The following CAMTA1 variants were observed in gnomAD, a reference collection of about 807,000 sequenced individuals.
CAMTA1 encodes calmodulin-binding transcription activator 1.
CAMTA1 carries 27 observed loss-of-function variants against 170.9 expected under a neutral mutation model. That is an observed-to-expected ratio of 0.16 (90% CI 0.12 to 0.22). The LOEUF (loss-of-function observed/expected upper bound fraction) is 0.22, where lower values mean the gene tolerates loss of function less well. Ranked by LOEUF, CAMTA1 falls within the 10% of genes least tolerant of loss-of-function variation. The pLI is 1.00. For missense variants in CAMTA1, 1,619 were observed against 2,217.2 expected (o/e 0.73, Z 5.42); for synonymous variants, 833 against 891.5 (o/e 0.93, Z 1.17).
chr1:7,323,502 T>C (rs1208275887), intron 5 of CAMTA1, among the ~76,000 whole-genome samples: 1 of 126,900 alleles, frequency 7.9e-6, no homozygotes, highest in Admixed American at 9.4e-5. Flanking sequence ...ATTTCCTTTA[T>C]TCTTCTTTTT....
rs1200960373 is a variant in CAMTA1 at position 7,609,638 on chromosome 1, G to T, written c.511-30762G>T. On this transcript the variant is annotated intron_variant, in intron 6 of 22. Coordinates refer to ENST00000303635, the MANE Select transcript of CAMTA1 (RefSeq NM_015215.4). The surrounding 1 kb of genome is among the most constrained non-coding windows in gnomAD (Gnocchi z 4.4). The stretch of plus-strand genomic sequence containing the variant: ...GGTCCTGGCTGTCACCCATGTCCTG[G>T]TGACCTTGCTGAGGACATTGGAGCT... Among the ~76,000 whole-genome samples, 2 of 152,210 alleles carry T rather than the reference G, an allele frequency of 1.3e-5. No homozygotes were observed. The highest frequency in any genetic ancestry group is 4.8e-5 in the African/African-American group (2 of 41,456).
At chr1:7,005,990 T>C (rs1572382674) in intron 3 of CAMTA1, among the ~76,000 whole-genome samples, 1 of 152,062 alleles carries the variant, frequency 6.6e-6, no homozygotes, top group Admixed American at 6.6e-5. Context: ...TTGGCGGATT[T>C]TGGTGTTGGA....
In CAMTA1 at chr1:7,248,476, G is replaced by C. The variant is rs919973262; in HGVS notation, c.303-1015G>C. Among the ~76,000 whole-genome samples the C allele has an allele frequency of 6.6e-6, 1 of 152,204 alleles. No individual in the cohort carries two copies. The highest frequency in any genetic ancestry group is 1.5e-5 in the Non-Finnish European group (1 of 68,042). On this transcript the variant is annotated intron_variant, in intron 4 of 22. Coordinates refer to ENST00000303635, the MANE Select transcript of CAMTA1 (RefSeq NM_015215.4). This position sits in a 1 kb window ranked among gnomAD's most constrained non-coding sequence, Gnocchi z 4.0. ...TTCCTCTTCCCCTGCTGCACGTTCA[G>C]GTGCAGAGTGGTGCAGCACTGCGTG... is the stretch of plus-strand genomic sequence containing the variant.
intron 5 of CAMTA1, among the ~76,000 whole-genome samples, chr1:7,338,454 A>T (rs775678970): frequency 2.5e-4 from 38 of 152,206 alleles, no homozygotes; most frequent in Non-Finnish European, 5.4e-4. Flanking sequence ...TTTTCCATAA[A>T]GCCCACCATG....
chr1:6,915,238 T>C (rs1187170441), intron 3 of CAMTA1, among the ~76,000 whole-genome samples: 1 of 152,198 alleles, frequency 6.6e-6, no homozygotes, highest in African/African-American at 2.4e-5. Context: ...AAGCATATAT[T>C]TATGAAGGTT....
At chr1:7,452,739 C>T (rs1030864999) in intron 5 of CAMTA1, among the ~76,000 whole-genome samples, 3 of 152,188 alleles carry the variant, frequency 2.0e-5, no homozygotes, top group African/African-American at 7.2e-5. Context: ...CATTGTATGG[C>T]GAGCCCACAT....
intron 4 of CAMTA1, among the ~76,000 whole-genome samples, chr1:7,229,858 G>A (rs941344230): frequency 7.2e-5 from 11 of 152,122 alleles, no homozygotes; most frequent in Admixed American, 2.0e-4. Flanking sequence ...AAAATAGCCC[G>A]CATAGTCCCC....
At chr1:7,544,614 A>G (rs2094663986) in intron 6 of CAMTA1, among the ~76,000 whole-genome samples, 1 of 152,224 alleles carries the variant, frequency 6.6e-6, no homozygotes, top group Non-Finnish European at 1.5e-5. Flanking sequence ...CCCTTCAAAC[A>G]CTGAGTCCAT....
At chr1:6,924,104 C>T (rs1392037485) in intron 3 of CAMTA1, among the ~76,000 whole-genome samples, 2 of 152,182 alleles carry the variant, frequency 1.3e-5, no homozygotes, top group Admixed American at 1.3e-4. Context: ...GCTGGCCACA[C>T]GGCATGACTT....
intron 5 of CAMTA1, among the ~76,000 whole-genome samples, chr1:7,420,717 A>G (rs952976675): frequency 6.6e-6 from 1 of 152,252 alleles, no homozygotes; most frequent in Non-Finnish European, 1.5e-5. Context: ...AGCCAAAATC[A>G]GCATATTCTT....
At chr1:6,960,958 G>C (rs1459603691) in intron 3 of CAMTA1, among the ~76,000 whole-genome samples, 1 of 152,248 alleles carries the variant, frequency 6.6e-6, no homozygotes, top group Non-Finnish European at 1.5e-5. Flanking sequence ...GAGGCTCAGA[G>C]AGGTTGTGTA....
chr1:7,459,207 C>G (rs2093028152), intron 5 of CAMTA1, among the ~76,000 whole-genome samples: 1 of 152,174 alleles, frequency 6.6e-6, no homozygotes, highest in Non-Finnish European at 1.5e-5. Context: ...TCTGCCTGTT[C>G]CTAGCCGGGT....
At chr1:7,412,282 G>T (rs1464238277) in intron 5 of CAMTA1, among the ~76,000 whole-genome samples, 58 of 151,930 alleles carry the variant, frequency 3.8e-4, no homozygotes, top group Admixed American at 3.8e-3. Context: ...CCAGTAATGG[G>T]ATGGCTGGGT....
At chr1:7,478,486 C>T (rs1162351702) in intron 6 of CAMTA1, among the ~76,000 whole-genome samples, 1 of 152,222 alleles carries the variant, frequency 6.6e-6, no homozygotes, top group African/African-American at 2.4e-5. Context: ...CCCTTAGGGA[C>T]TGGGCTGCCC....
At chr1:7,193,657 G>A (rs564622913) in intron 4 of CAMTA1, among the ~76,000 whole-genome samples, 57 of 152,272 alleles carry the variant, frequency 3.7e-4, no homozygotes, top group African/African-American at 1.3e-3. Context: ...AGAAGGGGGT[G>A]CGGAAGCTTG....
At position 7,744,826 on chromosome 1, in the gene CAMTA1, T is replaced by G; in HGVS notation, c.4183-9T>G. 6.2e-7 allele frequency: 1 copy of G among 1,610,060 alleles called. No individual in the cohort carries two copies. Among genetic ancestry groups the G allele is most frequent in the Non-Finnish European group, 8.5e-7 (1 of 1,177,978 alleles). ...CTAACCTGAGTGTTCTGTGAACTTC[T>G]GACTTCAGGTGAACATGATGACCTT... On this transcript the variant is annotated splice_polypyrimidine_tract_variant and intron_variant, in intron 16 of 22. Transcript: ENST00000303635.
chr1:7,609,144 A>C lies in CAMTA1; in HGVS notation c.511-31256A>C, dbSNP rs1317199434. Reference sequence around the variant, plus strand: ...TCTGGCCCCTTCCCACTACCGGCCTAGCCCTGCCGCCTGTGCCTTGCCTCC... The same window carrying C: ...TCTGGCCCCTTCCCACTACCGGCCTCGCCCTGCCGCCTGTGCCTTGCCTCC... On this transcript the variant is annotated intron_variant, in intron 6 of 22. Coordinates refer to ENST00000303635, the MANE Select transcript of CAMTA1 (RefSeq NM_015215.4). This position sits in a 1 kb window ranked among gnomAD's most constrained non-coding sequence, Gnocchi z 4.4. 1.3e-5 allele frequency among the ~76,000 whole-genome samples: 2 copies of C among 152,068 alleles called. No homozygotes were observed. Among genetic ancestry groups the C allele is most frequent in the African/African-American group, 4.8e-5 (2 of 41,414 alleles).
intron 3 of CAMTA1, among the ~76,000 whole-genome samples, chr1:6,858,487 G>GGA (rs1477156474): frequency 3.3e-5 from 1 of 30,200 alleles, no homozygotes; most frequent in Non-Finnish European, 7.5e-5. Flanking sequence ...TGTGTGTGTT[G>GGA]GGGGGGGGGT....
At chr1:7,502,699 G>A (rs1200884943) in intron 6 of CAMTA1, among the ~76,000 whole-genome samples, 1 of 152,202 alleles carries the variant, frequency 6.6e-6, no homozygotes, top group African/African-American at 2.4e-5. Context: ...CCTCATAAAT[G>A]AGATGAGGAC....
Sources: allele counts gnomAD v4.1 joint callset (sites outside exome capture counted in the v4.1 genomes callset), GRCh38; gene constraint gnomAD v4.1.1; non-coding constraint Gnocchi (gnomAD v3.1); transcripts MANE v1.5; gene names NCBI Gene and HGNC (gene_info 2026-07-23, HGNC 2026-07-21).